The following TULP4 variants were observed in gnomAD, a reference collection of about 807,000 sequenced individuals.
TULP4 encodes the protein TUB like protein 4, also known as tubby-related protein 4.
In TULP4, 16 loss-of-function variants were observed where a neutral mutation model predicts 129.0. That is an observed-to-expected ratio of 0.12 (90% CI 0.08 to 0.19). The LOEUF (loss-of-function observed/expected upper bound fraction) is 0.19. Among genes scored for constraint, TULP4 ranks in the 10% least tolerant of loss-of-function variants. TULP4 has a pLI of 1.00. For synonymous variants in TULP4, 998 were observed against 854.0 expected (o/e 1.17, Z -2.94); for missense variants, 1,842 against 2,059.1 (o/e 0.89, Z 2.04).
chr6:158,478,938 T>G (rs907688925), intron 6 of TULP4, among the ~76,000 whole-genome samples: 13 of 152,330 alleles, frequency 8.5e-5, no homozygotes, highest in African/African-American at 2.9e-4. Context: ...CAGGGAGCTT[T>G]CTTTCCCTGC....
Position 158,449,149 on chromosome 6 carries a change from G to A in TULP4, c.697G>A (p.Asp233Asn). 1 of 1,613,660 alleles carries A rather than the reference G, an allele frequency of 6.2e-7. No individual in the cohort carries two copies. Among genetic ancestry groups the A allele is most frequent in the Non-Finnish European group, 8.5e-7 (1 of 1,179,842 alleles). Reference protein sequence around the residue: ...LVEDSSESDTDSDDYAPPQDG... With the variant: ...LVEDSSESDTNSDDYAPPQDG... ...GGAGGACAGCAGCGAGAGCGACACG[G>A]ACTCAGATGACTACGCCCCTCCCCA... is the stretch of plus-strand genomic sequence containing the variant. Residue 233 changes from aspartate to asparagine, a missense_variant, in exon 4 of 14, where the codon GAC becomes AAC. By Grantham distance (23) the Asp-to-Asn change is conservative. Transcript: ENST00000367097.
intron 1 of TULP4, among the ~76,000 whole-genome samples, chr6:158,354,299 T>A (rs977015874): frequency 1.3e-5 from 2 of 152,212 alleles, no homozygotes; most frequent in African/African-American, 4.8e-5. Context: ...TTATGTGTTT[T>A]ATGTTTTTTT....
intron 6 of TULP4, among the ~76,000 whole-genome samples, chr6:158,478,224 T>C (rs1779865396): frequency 6.6e-6 from 1 of 152,196 alleles, no homozygotes; most frequent in Non-Finnish European, 1.5e-5. Flanking sequence ...TATAACCTGC[T>C]TGTGTACCCC....
intron 8 of TULP4, among the ~76,000 whole-genome samples, chr6:158,486,299 A>T (rs754403011): frequency 1.6e-4 from 24 of 152,178 alleles, no homozygotes; most frequent in Non-Finnish European, 3.2e-4. Context: ...GGACTAACTA[A>T]CGCCTGTGAT....
intron 1 of TULP4, among the ~76,000 whole-genome samples, chr6:158,374,548 A>G (rs964847528): frequency 1.3e-5 from 2 of 152,344 alleles, no homozygotes; most frequent in East Asian, 1.9e-4. Flanking sequence ...CTAGCCTGCT[A>G]CTGACTTAGG....
intron 1 of TULP4, among the ~76,000 whole-genome samples, chr6:158,240,244 G>T (rs868814382): frequency 9.1e-4 from 62 of 68,108 alleles, no homozygotes; most frequent in South Asian, 1.8e-3. Context: ...CCTCCCGGAC[G>T]GGGCGGCTGG....
intron 1 of TULP4, among the ~76,000 whole-genome samples, chr6:158,401,993 T>G (rs1171123902): frequency 6.6e-6 from 1 of 152,200 alleles, no homozygotes; most frequent in East Asian, 1.9e-4. Context: ...AAATAAGTGC[T>G]GGAAAGGTCT....
chr6:158,498,528 C>G (rs1303129351), intron 11 of TULP4, 141 bp from the exon 12 acceptor site: 2 of 1,007,272 alleles, frequency 2.0e-6, no homozygotes, highest in Non-Finnish European at 3.0e-6. Flanking sequence ...GAGCTCCTCT[C>G]AGCCTCTGGG....
chr6:158,321,514 C>T (rs1779631172), intron 1 of TULP4, among the ~76,000 whole-genome samples: 1 of 152,160 alleles, frequency 6.6e-6, no homozygotes. Flanking sequence ...CTATCGGTCA[C>T]CCAGACAGAA....
chr6:158,354,900 A>AT (rs1319454003), intron 1 of TULP4, among the ~76,000 whole-genome samples: 3 of 151,582 alleles, frequency 2.0e-5, no homozygotes, highest in Admixed American at 2.0e-4. Context: ...AAAAAAAAAA[A>AT]AAACCAGAAA....
At chr6:158,292,531 C>G (rs1378272777) in intron 1 of TULP4, among the ~76,000 whole-genome samples, 1 of 152,078 alleles carries the variant, frequency 6.6e-6, no homozygotes, top group African/African-American at 2.4e-5. Context: ...GTGCAGAGGC[C>G]CTTTCAGAGC....
upstream of TULP4, among the ~76,000 whole-genome samples, chr6:158,281,327 C>T (rs1446657702): frequency 6.6e-6 from 1 of 152,026 alleles, no homozygotes. Flanking sequence ...AATTCTCCTG[C>T]CTCGGCCTCC....
intron 1 of TULP4, among the ~76,000 whole-genome samples, chr6:158,337,648 A>G (rs1353027970): frequency 6.6e-6 from 1 of 152,232 alleles, no homozygotes; most frequent in East Asian, 1.9e-4. Flanking sequence ...CACCAAAGCC[A>G]AGTCCCTGCA....
intron 5 of TULP4, among the ~76,000 whole-genome samples, chr6:158,452,792 G>C (rs1779192693): frequency 1.3e-5 from 2 of 152,222 alleles, no homozygotes; most frequent in African/African-American, 4.8e-5. Flanking sequence ...GTCAAGTGCT[G>C]ATACCTTCCT....
intron 1 of TULP4, among the ~76,000 whole-genome samples, chr6:158,317,309 C>T (rs1176429701): frequency 6.6e-6 from 1 of 151,540 alleles, no homozygotes; most frequent in Admixed American, 6.6e-5. Context: ...AATGCTATTC[C>T]TCCCCCTGCC....
intron 1 of TULP4, among the ~76,000 whole-genome samples, chr6:158,364,710 C>G (rs1780882665): frequency 6.6e-6 from 1 of 152,074 alleles, no homozygotes; most frequent in Non-Finnish European, 1.5e-5. Flanking sequence ...TGCAGCCTCA[C>G]AGCAATCTAC....
At chr6:158,457,292 G>A (rs1779313699) in intron 5 of TULP4, among the ~76,000 whole-genome samples, 1 of 152,198 alleles carries the variant, frequency 6.6e-6, no homozygotes, top group Non-Finnish European at 1.5e-5. Context: ...TTTACGACCT[G>A]TGCAAAAGAA....
At chr6:158,446,655 A>G (rs1050241582) in intron 3 of TULP4, among the ~76,000 whole-genome samples, 6 of 152,180 alleles carry the variant, frequency 3.9e-5, no homozygotes, top group Non-Finnish European at 7.3e-5. Flanking sequence ...GGCTGCTATA[A>G]TAAAATACCA....
intron 1 of TULP4, among the ~76,000 whole-genome samples, chr6:158,369,411 A>G (rs1285508449): frequency 6.6e-6 from 1 of 152,216 alleles, no homozygotes; most frequent in African/African-American, 2.4e-5. Flanking sequence ...AGGTGAGATC[A>G]TCACTTAAGC....
Sources: allele counts gnomAD v4.1 joint callset (sites outside exome capture counted in the v4.1 genomes callset), GRCh38; gene constraint gnomAD v4.1.1; transcripts MANE v1.5; gene names NCBI Gene and HGNC (gene_info 2026-07-23, HGNC 2026-07-21).